Variants in ABCC11 observed in about 807,000 individuals in gnomAD.
The protein encoded by ABCC11 is ATP binding cassette subfamily C member 11.
A neutral mutation model predicts 149.3 loss-of-function variants in ABCC11; 135 were observed. The observed-to-expected ratio is 0.90, with a 90% CI of 0.79 to 1.04. ABCC11 has a LOEUF of 1.04. ABCC11 is among the 50% of genes least tolerant of loss of function. The pLI is 0.00. For synonymous variants in ABCC11, 665 were observed against 671.4 expected (o/e 0.99, Z 0.15); for missense variants, 1,680 against 1,722.1 (o/e 0.98, Z 0.43).
At chr16:48,217,767 A>T (rs1340908557) in intron 6 of ABCC11, among the ~76,000 whole-genome samples, 3 of 152,218 alleles carry the variant, frequency 2.0e-5, no homozygotes, top group Non-Finnish European at 4.4e-5. Flanking sequence ...GGAGCCTTTA[A>T]AACATTTAAA....
chr16:48,169,596 A>G (rs1965562857), intron 28 of ABCC11, among the ~76,000 whole-genome samples: 1 of 152,074 alleles, frequency 6.6e-6, no homozygotes, highest in African/African-American at 2.4e-5. Flanking sequence ...GTAAAAAAGG[A>G]TGAGTTCATG....
At chr16:48,186,025 A>G (rs1408347598) in intron 22 of ABCC11, among the ~76,000 whole-genome samples, 2 of 152,032 alleles carry the variant, frequency 1.3e-5, no homozygotes, top group African/African-American at 4.8e-5. Flanking sequence ...GACTCTCTTC[A>G]TCTGCTTATC....
intron 10 of ABCC11, 23 bp downstream of exon 10, chr16:48,213,420 C>T (rs201583720): frequency 3.1e-6 from 5 of 1,596,028 alleles, no homozygotes; most frequent in East Asian, 2.3e-5. Context: ...AGGGGGCCTA[C>T]AGCCAGTCCC....
intron 3 of ABCC11, among the ~76,000 whole-genome samples, chr16:48,229,944 G>A (rs1262000241): frequency 6.6e-6 from 1 of 152,134 alleles, no homozygotes; most frequent in Non-Finnish European, 1.5e-5. Flanking sequence ...CCCACAGGCT[G>A]TTCCTTGATC....
At chr16:48,202,198 G>A (rs1968045624) in intron 14 of ABCC11, among the ~76,000 whole-genome samples, 1 of 152,112 alleles carries the variant, frequency 6.6e-6, no homozygotes, top group African/African-American at 2.4e-5. Flanking sequence ...ATCCGATCAG[G>A]TCAGTACTCT....
chr16:48,218,835 T>A (rs1969530223), intron 6 of ABCC11, among the ~76,000 whole-genome samples: 2 of 152,176 alleles, frequency 1.3e-5, no homozygotes, highest in South Asian at 4.1e-4. Context: ...TAAGCCTCTT[T>A]TCCTTTATAA....
At chr16:48,173,928 T>C (rs1424260814) in intron 26 of ABCC11, among the ~76,000 whole-genome samples, 1 of 152,176 alleles carries the variant, frequency 6.6e-6, no homozygotes, top group Non-Finnish European at 1.5e-5. Context: ...CCCCACCTCA[T>C]GACCCAGTCA....
At position 48,236,983 on chromosome 16, in the gene ABCC11, G is replaced by A. The variant is rs1970721036; in HGVS notation, c.-18-5044C>T. 1.3e-5 allele frequency among the ~76,000 whole-genome samples: 2 copies of A among 152,162 alleles called. 1 individual carries two copies. The highest frequency in any genetic ancestry group is 4.1e-4 in the South Asian group (2 of 4,828). On this transcript the variant is annotated intron_variant, in intron 1 of 29. Coordinates refer to ENST00000356608, the MANE Select transcript of ABCC11 (RefSeq NM_001370497.1). ...ATGTGAAAGTTATTTATATCCTACT[G>A]CTCAAGGTCATCACCGAGGTCTGAT...
intron 18 of ABCC11, 80 bp downstream of exon 18, chr16:48,196,152 C>A: frequency 7.0e-7 from 1 of 1,435,534 alleles, no homozygotes; most frequent in Non-Finnish European, 9.7e-7. Flanking sequence ...CTTCACATGA[C>A]CTCACGTGTT....
At position 48,211,190 on chromosome 16, in the gene ABCC11, G is replaced by C. The variant is rs1244872501; in HGVS notation, c.1366C>G (p.Leu456Val). ...ACATAGAAAACAGGGCTCTCCTGGA[G>C]GAAAAACTTCTGTAAAGACAGAAAA... ...SAVMRFKKFF[L>V]QESPVFYVQT... The change falls in exon 11 of 30, where the codon CTC becomes GTC. Residue 456 changes from leucine to valine, a missense_variant. Leu to Val is a conservative substitution (Grantham distance 32). Transcript: ENST00000356608. 6.2e-7 allele frequency: 1 copy of C among 1,613,788 alleles called. No homozygotes were observed. Among genetic ancestry groups the C allele is most frequent in the Non-Finnish European group, 8.5e-7 (1 of 1,179,900 alleles).
At position 48,203,901 on chromosome 16, in the gene ABCC11, C is replaced by T. The variant is rs570483556; in HGVS notation, c.1806-601G>A. On this transcript the variant is annotated intron_variant, in intron 13 of 29. Transcript: ENST00000356608. The stretch of plus-strand genomic sequence containing the variant: ...AAGCAGCCACTATTACAGTGTCTTA[C>T]GTATTTATTCAGAAATAATCTATTC... Among the ~76,000 whole-genome samples, 27 of 152,264 alleles carry T rather than the reference C, an allele frequency of 1.8e-4. No individual in the cohort carries two copies. The South Asian group carries it at 5.0e-3, about 28-fold the overall frequency.
chr16:48,233,680 G>A (rs1175293616), intron 1 of ABCC11, among the ~76,000 whole-genome samples: 1 of 152,206 alleles, frequency 6.6e-6, no homozygotes, highest in Non-Finnish European at 1.5e-5. Flanking sequence ...AAGATCCCCA[G>A]TAAAGGGAAT....
chr16:48,239,449 C>G (rs187546506), intron 1 of ABCC11, among the ~76,000 whole-genome samples: 1 of 151,068 alleles, frequency 6.6e-6, no homozygotes, highest in South Asian at 2.1e-4. Flanking sequence ...GTAGTCCCAG[C>G]TACTCGGGAG....
Position 48,170,898 on chromosome 16 carries a change from C to G in ABCC11, c.3768G>C (p.Leu1256=). ...QIWDALERTF[L]TKAISKFPKK... The stretch of plus-strand genomic sequence containing the variant: ...CCTTGGAGCTACTTACGGCCTTGGT[C>G]AGGAATGTCCTCTCCAAGGCATCCC... Residue 1256 remains leucine, a synonymous_variant, in exon 27 of 30, where the codon CTG becomes CTC. Transcript: ENST00000356608. 1 of 1,613,610 alleles carries G rather than the reference C, an allele frequency of 6.2e-7. No individual in the cohort carries two copies. Among genetic ancestry groups the G allele is most frequent in the Non-Finnish European group, 8.5e-7 (1 of 1,179,532 alleles).
intron 6 of ABCC11, 43 bp from the exon 7 acceptor site, chr16:48,216,330 G>C (rs1398777749): frequency 6.3e-6 from 10 of 1,591,388 alleles, no homozygotes; most frequent in Non-Finnish European, 7.7e-6. Context: ...CACCTCCCTG[G>C]GTACACAGAA....
intron 14 of ABCC11, among the ~76,000 whole-genome samples, chr16:48,202,337 G>A (rs1489417728): frequency 6.6e-6 from 1 of 152,130 alleles, no homozygotes; most frequent in Non-Finnish European, 1.5e-5. Context: ...TAGGCCAAGC[G>A]CAGTAGCTCA....
intron 1 of ABCC11, among the ~76,000 whole-genome samples, chr16:48,233,985 C>T (rs996892684): frequency 6.6e-6 from 1 of 152,224 alleles, no homozygotes; most frequent in Non-Finnish European, 1.5e-5. Context: ...TATTTTACTA[C>T]TCACAATGTA....
At chr16:48,214,476 A>AGGCAGCTGCCACTTCT (rs1455805790) in intron 9 of ABCC11, among the ~76,000 whole-genome samples, 5 of 152,108 alleles carry the variant, frequency 3.3e-5, no homozygotes, top group African/African-American at 1.2e-4. Flanking sequence ...TAACACTGAA[A>AGGCAGCTGCCACTTCT]GGCAGCTGCC....
intron 13 of ABCC11, 125 bp downstream of exon 13, chr16:48,205,288 A>G: frequency 7.3e-7 from 1 of 1,361,860 alleles, no homozygotes; most frequent in Non-Finnish European, 1.0e-6. Context: ...TGAGGGGTGA[A>G]TATGATAATG....
Sources: gnomAD v4.1 joint callset for allele counts (sites outside exome capture counted in the v4.1 genomes callset) on GRCh38, gnomAD v4.1.1 for gene constraint, MANE v1.5 for transcripts, NCBI Gene and HGNC (gene_info 2026-07-23, HGNC 2026-07-21) for gene names.